Variants in CEP41 observed in about 807,000 individuals in gnomAD.
CEP41 encodes centrosomal protein of 41 kDa.
A neutral mutation model predicts 44.3 loss-of-function variants in CEP41; 32 were observed. The observed-to-expected ratio is 0.72, with a 90% CI of 0.54 to 0.97. The LOEUF (loss-of-function observed/expected upper bound fraction) is 0.97, where lower values mean the gene tolerates loss of function less well. Ranked by LOEUF, CEP41 falls within the 50% of genes least tolerant of loss-of-function variation. CEP41 has a pLI of 0.00. For synonymous variants in CEP41, 151 were observed against 168.5 expected (o/e 0.90, Z 0.80); for missense variants, 432 against 455.2 (o/e 0.95, Z 0.46).
At chr7:130,404,416 A>C (rs1190138719) in intron 6 of CEP41, 148 bp downstream of exon 6, 1 of 676,158 alleles carries the variant, frequency 1.5e-6, no homozygotes, top group Non-Finnish European at 2.6e-6. Context: ...ATTTATATAA[A>C]GATAAAGTAG....
chr7:130,400,168 A>C lies in CEP41; in HGVS notation c.844T>G (p.Ser282Ala). The C allele has an allele frequency of 1.9e-6, 3 of 1,613,708 alleles. No individual in the cohort carries two copies. The highest frequency in any genetic ancestry group is 2.5e-6 in the Non-Finnish European group (3 of 1,179,732). ...TTGGGGCTGGATCGTTTCCGGGCAGACCCAGGAGGAAGGGCCTGCTGGCAA... is the reference window on the plus strand; with the variant it reads ...TTGGGGCTGGATCGTTTCCGGGCAGCCCCAGGAGGAAGGGCCTGCTGGCAA... Reference protein sequence around the residue: ...ASCQQALPPGSARKRSSPKGP... With the variant: ...ASCQQALPPGAARKRSSPKGP... The change falls in exon 10 of 11, where the codon TCT becomes GCT. Residue 282 changes from serine (S) to alanine (A), a missense_variant. Coordinates refer to ENST00000223208, the MANE Select transcript of CEP41 (RefSeq NM_018718.3).
At position 130,400,814 on chromosome 7, in the gene CEP41, G is replaced by C; in HGVS notation, c.650C>G (p.Ala217Gly). Reference protein sequence around the residue: ...YSNDILEYKNAHGKIIILYDD... With the variant: ...YSNDILEYKNGHGKIIILYDD... The stretch of plus-strand genomic sequence containing the variant: ...ATACAGAATGATGATCTTGCCATGG[G>C]CATTTTTCTAAGAGTCAGATGAGTT... The change falls in exon 9 of 11, where the codon GCC becomes GGC. Residue 217 changes from alanine to glycine, a missense_variant. By Grantham distance (60) the Ala-to-Gly change is moderately conservative. Transcript: ENST00000223208. The C allele has an allele frequency of 2.5e-6, 4 of 1,607,578 alleles. No homozygotes were observed. Among genetic ancestry groups the C allele is most frequent in the Non-Finnish European group, 3.4e-6 (4 of 1,175,588 alleles).
chr7:130,397,533 T>TTTTGG lies in CEP41; in HGVS notation c.*1357_*1358insCCAAA. On this transcript the variant is annotated 3_prime_UTR_variant, in exon 11 of 11. Coordinates refer to ENST00000223208, the MANE Select transcript of CEP41 (RefSeq NM_018718.3). ...TTTTTTTTTTTTTTTTTTTTTTTTT[T>TTTTGG]GGTGGCGAGAAAATAGTACTGTTAA... The TTTTGG allele has an allele frequency of 2.8e-6, 1 of 353,236 alleles. No individual in the cohort carries two copies. 21.9% of individuals were successfully genotyped at this position (353,236 alleles called of 1,614,324 possible). A position where few individuals can be genotyped will look rare whatever the true frequency, so the allele number is the denominator to read the frequency against.
intron 3 of CEP41, among the ~76,000 whole-genome samples, chr7:130,413,132 C>T (rs1171062636): frequency 1.3e-5 from 2 of 152,052 alleles, no homozygotes; most frequent in Admixed American, 1.3e-4. Context: ...GCTGGGATTA[C>T]AGTTGCCCAC....
At position 130,434,323 on chromosome 7, in the gene CEP41, G is replaced by GA. The variant is rs1229101510; in HGVS notation, c.34-6306dup. ...ATTACATCTCAAAAAAGCTCTTACAGAAAAAAAATGTAAAAAGTAAATATA... is the reference window on the plus strand; with the variant it reads ...ATTACATCTCAAAAAAGCTCTTACAGAAAAAAAAATGTAAAAAGTAAATATA... On this transcript the variant is annotated intron_variant, in intron 1 of 10. Transcript: ENST00000223208. Among the ~76,000 whole-genome samples the GA allele has an allele frequency of 2.0e-5, 3 of 151,638 alleles. No individual in the cohort carries two copies. The East Asian group carries it at 5.8e-4, about 29-fold the overall frequency.
intron 1 of CEP41, among the ~76,000 whole-genome samples, chr7:130,434,903 A>G (rs1471021578): frequency 2.0e-5 from 3 of 152,184 alleles, no homozygotes; most frequent in Non-Finnish European, 4.4e-5. Context: ...ATATCAGTCC[A>G]TTTGTACAAC....
At chr7:130,403,439 A>C (rs1179840472) in intron 6 of CEP41, among the ~76,000 whole-genome samples, 1 of 152,198 alleles carries the variant, frequency 6.6e-6, no homozygotes, top group Non-Finnish European at 1.5e-5. Context: ...TACCACTAAC[A>C]GTTCTAATTC....
intron 5 of CEP41, 185 bp downstream of exon 5, chr7:130,410,937 T>A: frequency 4.6e-6 from 3 of 655,046 alleles, no homozygotes; most frequent in South Asian, 1.8e-5. Context: ...GAAAACCAGA[T>A]GGCTTTTTAA....
rs1554415765 is a variant in CEP41, at chr7:130,398,359, T to C, written c.*532A>G. ...ATATGCTGGGCAGAGAGCTCCTTGC[T>C]GAGTGAGCCTGCTGGGGTGGGGTCT... On this transcript the variant is annotated 3_prime_UTR_variant, in exon 11 of 11. Coordinates refer to ENST00000223208, the MANE Select transcript of CEP41 (RefSeq NM_018718.3). The C allele has an allele frequency of 4.4e-6, 2 of 454,110 alleles. No individual in the cohort carries two copies. Among genetic ancestry groups the C allele is most frequent in the Non-Finnish European group, 8.8e-6 (2 of 226,802 alleles). 28.1% of individuals were successfully genotyped at this position (454,110 alleles called of 1,614,324 possible).
intron 1 of CEP41, 42 bp downstream of exon 1, chr7:130,440,892 C>A (rs1554427492): frequency 1.3e-6 from 2 of 1,595,510 alleles, no homozygotes. Flanking sequence ...TTTTCCGGTG[C>A]GCCCGCCCCC....
intron 2 of CEP41, chr7:130,420,994 C>T (rs1554422080): frequency 6.1e-6 from 6 of 980,040 alleles, no homozygotes; most frequent in Admixed American, 6.2e-5. Flanking sequence ...TATTGCTTCA[C>T]GACTTAAGCA....
intron 2 of CEP41, among the ~76,000 whole-genome samples, chr7:130,424,448 T>G (rs1797601586): frequency 6.6e-6 from 1 of 150,820 alleles, no homozygotes; most frequent in African/African-American, 2.4e-5. Context: ...GTTTAACCAA[T>G]TTTAAGTATC....
rs782597072 is a variant in CEP41 at position 130,395,745 on chromosome 7, A to T, written c.*3146T>A. Reference sequence around the variant, plus strand: ...TCTTGGTCGAGTAGCCTAAAGTCTTAAGAATTTTTGTATAATTTAAATAGC... The same window carrying T: ...TCTTGGTCGAGTAGCCTAAAGTCTTTAGAATTTTTGTATAATTTAAATAGC... On this transcript the variant is annotated 3_prime_UTR_variant, in exon 11 of 11. Transcript: ENST00000223208. 1.8e-5 allele frequency: 8 copies of T among 453,908 alleles called. No homozygotes were observed. The highest frequency in any genetic ancestry group is 1.2e-4 in the South Asian group (8 of 64,374). 28.1% of individuals were successfully genotyped at this position (453,908 alleles called of 1,614,324 possible). A position where few individuals can be genotyped will look rare whatever the true frequency, so the allele number is the denominator to read the frequency against.
chr7:130,399,378 G>A (rs1388196833), intron 10 of CEP41: 1 of 343,774 alleles, frequency 2.9e-6, no homozygotes, highest in African/African-American at 2.1e-5. Flanking sequence ...GCAGTACGGT[G>A]AAACTAAGGT....
intron 7 of CEP41, among the ~76,000 whole-genome samples, chr7:130,402,239 G>A (rs970161147): frequency 1.3e-5 from 2 of 151,606 alleles, no homozygotes; most frequent in Non-Finnish European, 2.9e-5. Flanking sequence ...CCAGGTACTC[G>A]AGAGGCTGAG....
intron 1 of CEP41, among the ~76,000 whole-genome samples, chr7:130,439,361 G>T (rs782565035): frequency 2.0e-5 from 3 of 151,878 alleles, no homozygotes; most frequent in African/African-American, 7.3e-5. Context: ...TTTTTTGCAG[G>T]GGGGAGGGGA....
chr7:130,409,869 T>C (rs1310409733), intron 5 of CEP41, among the ~76,000 whole-genome samples: 2 of 152,114 alleles, frequency 1.3e-5, no homozygotes, highest in Non-Finnish European at 2.9e-5. Context: ...CCAGACTGGA[T>C]GACTCGATTC....
intron 2 of CEP41, chr7:130,417,256 G>GT (rs1452279341): frequency 1.7e-6 from 2 of 1,205,266 alleles, no homozygotes; most frequent in African/African-American, 3.1e-5. Context: ...CTATCAGTTT[G>GT]TTTTTCAAGT....
chr7:130,401,902 A>G lies in CEP41; in HGVS notation c.621T>C (p.Tyr207=), dbSNP rs781853671. The G allele has an allele frequency of 1.9e-6, 3 of 1,608,172 alleles. No individual in the cohort carries two copies. The highest frequency in any genetic ancestry group is 2.6e-6 in the Non-Finnish European group (3 of 1,174,740). Residue 207 remains tyrosine, a synonymous_variant, in exon 8 of 11, where the codon TAT becomes TAC. Coordinates refer to ENST00000223208, the MANE Select transcript of CEP41 (RefSeq NM_018718.3). ...ATACATATTCAAGAATATCATTTGA[A>G]TAAGGGTTCATTGTTCTAGACAGAG... ...IATLSRTMNP[Y]SNDILEYKNA...
Sources: gnomAD v4.1 joint callset for allele counts (sites outside exome capture counted in the v4.1 genomes callset) on GRCh38, gnomAD v4.1.1 for gene constraint, MANE v1.5 for transcripts, NCBI Gene and HGNC (gene_info 2026-07-23, HGNC 2026-07-21) for gene names.